The following FKRP variants were observed in gnomAD, a reference collection of about 807,000 sequenced individuals.
The protein encoded by FKRP is ribitol 5-phosphate transferase FKRP.
In FKRP, 25 loss-of-function variants were observed where a neutral mutation model predicts 30.6. The observed-to-expected ratio is 0.82, with a 90% confidence interval of 0.60 to 1.14. FKRP has a LOEUF of 1.14. Ranked by LOEUF, FKRP falls within the 50% of genes most tolerant of loss-of-function variation. The pLI is 0.00. For missense variants in FKRP, 771 were observed against 727.8 expected, an observed-to-expected ratio of 1.06 and a Z score of -0.68; for synonymous variants, 358 against 342.5, an observed-to-expected ratio of 1.05 and a Z score of -0.50.
Position 46,757,303 on chromosome 19 carries a change from C to T in FKRP, c.*365C>T. On this transcript the variant is annotated 3_prime_UTR_variant, in exon 4 of 4. Transcript: ENST00000318584. Reference sequence around the variant, plus strand: ...CCCAAGATTCCGAGAGCCCTGCGCTCTAGGGCAGGGGCAGAGTTTTGGAAA... The same window carrying T: ...CCCAAGATTCCGAGAGCCCTGCGCTTTAGGGCAGGGGCAGAGTTTTGGAAA... 2.8e-6 allele frequency: 1 copy of T among 357,212 alleles called. No homozygotes were observed. 22.1% of individuals were successfully genotyped at this position (357,212 alleles called of 1,614,324 possible). A position where few individuals can be genotyped will look rare whatever the true frequency, so the allele number is the denominator to read the frequency against.
chr19:46,747,731 A>T (rs886261534), intron 1 of FKRP: 3 of 151,992 alleles, frequency 2.0e-5, no homozygotes, highest in Non-Finnish European at 2.9e-5. Context: ...TGTCTCTCAG[A>T]GGTAGAGTGT....
chr19:46,757,027 G>A lies in FKRP; in HGVS notation c.*89G>A. The A allele has an allele frequency of 1.3e-6, 2 of 1,532,696 alleles. No individual in the cohort carries two copies. Among genetic ancestry groups the A allele is most frequent in the Non-Finnish European group, 8.9e-7 (1 of 1,119,098 alleles). The allele number at this position is 1,532,696 out of a possible 1,614,324, so 94.9% of individuals were successfully genotyped here. A position where few individuals can be genotyped will look rare whatever the true frequency, so the allele number is the denominator to read the frequency against. The stretch of plus-strand genomic sequence containing the variant: ...GCGGTGAGGGGTGGAGGGATGTCGC[G>A]GAGAGGGGAAGGGGGAAACTGACCA... On this transcript the variant is annotated 3_prime_UTR_variant, in exon 4 of 4. Transcript: ENST00000318584.
intron 1 of FKRP, chr19:46,747,794 C>T (rs1240407127): frequency 6.6e-6 from 1 of 152,138 alleles, no homozygotes; most frequent in Admixed American, 6.5e-5. Flanking sequence ...CTAGCCCTAC[C>T]TTTTCTGGAC....
chr19:46,754,375 T>TTATTTATC (rs1490466787), intron 3 of FKRP: 5 of 69,980 alleles, frequency 7.1e-5, no homozygotes, highest in African/African-American at 2.4e-4. Flanking sequence ...TTTTTAATTT[T>TTATTTATC]TATTTATTTA....
intron 3 of FKRP, among the ~76,000 whole-genome samples, chr19:46,751,845 G>T (rs1489982745): frequency 6.6e-6 from 1 of 152,160 alleles, no homozygotes; most frequent in African/African-American, 2.4e-5. Context: ...GGGATTACAG[G>T]CATGAGCCAC....
At chr19:46,751,470 C>G (rs2054790105) in intron 3 of FKRP, among the ~76,000 whole-genome samples, 1 of 152,092 alleles carries the variant, frequency 6.6e-6, no homozygotes, top group Non-Finnish European at 1.5e-5. Context: ...CCTCTGCCTC[C>G]TGGGTTCAAG....
Position 46,755,434 on chromosome 19 carries a change from C to T in FKRP, c.-17C>T. 2 of 1,598,950 alleles carry T rather than the reference C, an allele frequency of 1.3e-6. No individual in the cohort carries two copies. The highest frequency in any genetic ancestry group is 1.7e-6 in the Non-Finnish European group (2 of 1,177,488). ...CAGGATGCCCCGGAGGCCCAGCTAG[C>T]CCCAGACTTCGGCCCCATGCGGCTC... On this transcript the variant is annotated 5_prime_UTR_variant, in exon 4 of 4. Transcript: ENST00000318584.
chr19:46,746,333 G>T (rs2054613854), intron 1 of FKRP: 1 of 1,295,680 alleles, frequency 7.7e-7, no homozygotes, highest in Non-Finnish European at 9.7e-7. Flanking sequence ...GGCGGAGACC[G>T]GGGCCGCCCC....
chr19:46,749,455 G>A (rs1429346962), intron 3 of FKRP, among the ~76,000 whole-genome samples: 1 of 145,132 alleles, frequency 6.9e-6, no homozygotes, highest in East Asian at 2.0e-4. Context: ...GGCCAGGCGC[G>A]GTGGCTCACG....
rs2054954431 is a variant in FKRP, at chr19:46,757,565, ACT to A, written c.*632_*633del. The A allele has an allele frequency of 5.8e-6, 1 of 173,186 alleles. No homozygotes were observed. The highest frequency in any genetic ancestry group is 1.7e-4 in the South Asian group (1 of 5,788). 10.7% of individuals were successfully genotyped at this position (173,186 alleles called of 1,614,324 possible). Reference sequence around the variant, plus strand: ...CAGGGCCTGTGTTCCATAGCCATCTACTCTCTTGAGCCTTTGGACTTCTCTCC... The same window carrying A: ...CAGGGCCTGTGTTCCATAGCCATCTACTCTTGAGCCTTTGGACTTCTCTCC... On this transcript the variant is annotated 3_prime_UTR_variant, in exon 4 of 4. Coordinates refer to ENST00000318584, the MANE Select transcript of FKRP (RefSeq NM_024301.5).
Position 46,758,391 on chromosome 19 carries a change from G to A in FKRP, c.*1453G>A, listed in dbSNP as rs2054967880. ...CTAAGAATAAATGGTATTTGGGCAT[G>A]TATTCCCAATATGTGTATATTTATT... On this transcript the variant is annotated 3_prime_UTR_variant, in exon 4 of 4. Coordinates refer to ENST00000318584, the MANE Select transcript of FKRP (RefSeq NM_024301.5). The A allele has an allele frequency of 1.8e-5, 3 of 166,902 alleles. No homozygotes were observed. Among genetic ancestry groups the A allele is most frequent in the South Asian group, 2.1e-4 (1 of 4,830 alleles). The allele number at this position is 166,902 out of a possible 1,614,324, so 10.3% of individuals were successfully genotyped here.
rs754347622 is a variant in FKRP, at chr19:46,756,156, C to G, written c.706C>G (p.Leu236Val). Residue 236 changes from leucine to valine, a missense_variant, in exon 4 of 4, where the codon CTG (leucine) becomes GTG (valine). By Grantham distance (32) the Leu-to-Val change is conservative. Coordinates refer to ENST00000318584, the MANE Select transcript of FKRP (RefSeq NM_024301.5). This position sits in a 1 kb window ranked among gnomAD's most constrained non-coding sequence, Gnocchi z 6.6. ...TALRGWAVQL[L>V]DLTFAAARQP... is the part of the protein sequence containing the mutation. ...CCTTCGCGGCTGGGCGGTGCAGCTGCTGGACTTGACCTTCGCCGCGGCGCG... is the reference window on the plus strand; with the variant it reads ...CCTTCGCGGCTGGGCGGTGCAGCTGGTGGACTTGACCTTCGCCGCGGCGCG... The G allele has an allele frequency of 1.0e-5, 15 of 1,465,828 alleles. No individual in the cohort carries two copies. Among genetic ancestry groups the G allele is most frequent in the Non-Finnish European group, 1.2e-5 (13 of 1,116,616 alleles). 90.8% of individuals were successfully genotyped at this position (1,465,828 alleles called of 1,614,324 possible).
rs1474726988 is a variant in FKRP, at chr19:46,756,215, G to T, written c.765G>T (p.Trp255Cys). The T allele has an allele frequency of 1.4e-6, 2 of 1,447,350 alleles. No individual in the cohort carries two copies. The highest frequency in any genetic ancestry group is 2.8e-5 in the Admixed American group (1 of 36,148). The allele number at this position is 1,447,350 out of a possible 1,614,324, so 89.7% of individuals were successfully genotyped here. Residue 255 changes from tryptophan (W) to cysteine (C), a missense_variant, in exon 4 of 4, where the codon TGG becomes TGT. Physicochemically the swap from Trp to Cys is radical, Grantham distance 215. Transcript: ENST00000318584. The surrounding 1 kb of genome is among the most constrained non-coding windows in gnomAD (Gnocchi z 6.6). ...QPPLATAHAR[W>C]KAEREGRARR... ...CGCTGGCCACGGCCCACGCGCGCTGGAAGGCTGAGCGCGAGGGACGCGCTC... is the reference window on the plus strand; with the variant it reads ...CGCTGGCCACGGCCCACGCGCGCTGTAAGGCTGAGCGCGAGGGACGCGCTC...
chr19:46,758,245 G>A lies in FKRP; in HGVS notation c.*1307G>A, dbSNP rs993756101. On this transcript the variant is annotated 3_prime_UTR_variant, in exon 4 of 4. Coordinates refer to ENST00000318584, the MANE Select transcript of FKRP (RefSeq NM_024301.5). ...CGGGGGCTTGAACCCAGGTGGTCAG[G>A]CTCTGGAGCCCACAATTGTCTTACC... 2 of 167,054 alleles carry A rather than the reference G, an allele frequency of 1.2e-5. No homozygotes were observed. The highest frequency in any genetic ancestry group is 2.4e-5 in the African/African-American group (1 of 41,432). The allele number at this position is 167,054 out of a possible 1,614,324, so 10.3% of individuals were successfully genotyped here. A position where few individuals can be genotyped will look rare whatever the true frequency, so the allele number is the denominator to read the frequency against.
chr19:46,752,333 A>G (rs555548947), intron 3 of FKRP, among the ~76,000 whole-genome samples: 13 of 152,248 alleles, frequency 8.5e-5, no homozygotes, highest in African/African-American at 2.4e-4. Context: ...CGGAGCTCCT[A>G]TGTACCTAAA....
At chr19:46,754,537 G>A (rs1017613252) in intron 3 of FKRP, among the ~76,000 whole-genome samples, 15 of 150,506 alleles carry the variant, frequency 1.0e-4, no homozygotes, top group Admixed American at 6.6e-5. Flanking sequence ...GATCACAGGC[G>A]TGAGTCACCA....
chr19:46,758,530 T>A lies in FKRP; in HGVS notation c.*1592T>A, dbSNP rs2054969589. On this transcript the variant is annotated 3_prime_UTR_variant, in exon 4 of 4. Coordinates refer to ENST00000318584, the MANE Select transcript of FKRP (RefSeq NM_024301.5). The stretch of plus-strand genomic sequence containing the variant: ...TTTTATGTTTCTTGCCTCATCCCAA[T>A]GACTTTTGCACACCCAGGTGTGAGC... 1 of 164,750 alleles carries A rather than the reference T, an allele frequency of 6.1e-6. No homozygotes were observed. The highest frequency in any genetic ancestry group is 2.5e-5 in the African/African-American group (1 of 40,600). The allele number at this position is 164,750 out of a possible 1,614,324, so 10.2% of individuals were successfully genotyped here. A position where few individuals can be genotyped will look rare whatever the true frequency, so the allele number is the denominator to read the frequency against.
chr19:46,756,003 G>A lies in FKRP; in HGVS notation c.553G>A (p.Ala185Thr). ...LREWTARYGA[A>T]PAAPRCDALD... Reference sequence around the variant, plus strand: ...AGAGTGGACCGCCCGCTATGGCGCAGCCCCCGCCGCGCCCCGCTGCGACGC... The same window carrying A: ...AGAGTGGACCGCCCGCTATGGCGCAACCCCCGCCGCGCCCCGCTGCGACGC... Residue 185 changes from alanine to threonine, a missense_variant, in exon 4 of 4, where the codon GCC becomes ACC. Transcript: ENST00000318584. The surrounding 1 kb of genome is among the most constrained non-coding windows in gnomAD (Gnocchi z 6.6). 6.5e-7 allele frequency: 1 copy of A among 1,548,692 alleles called. No homozygotes were observed.
Position 46,756,849 on chromosome 19 carries a change from C to A in FKRP, c.1399C>A (p.Arg467Ser). The change falls in exon 4 of 4, where the codon CGC becomes AGC. Residue 467 changes from arginine to serine, a missense_variant. By Grantham distance (110) the Arg-to-Ser change is moderately radical. Transcript: ENST00000318584. This position sits in a 1 kb window ranked among gnomAD's most constrained non-coding sequence, Gnocchi z 6.6. ...FVAQAPNNYR[R>S]FLELKFGPGV... ...GGCGCAGGCGCCTAACAACTACCGC[C>A]GCTTCCTGGAGCTCAAGTTCGGGCC... 3.1e-6 allele frequency: 5 copies of A among 1,605,270 alleles called. No homozygotes were observed. Among genetic ancestry groups the A allele is most frequent in the Non-Finnish European group, 3.4e-6 (4 of 1,176,400 alleles).
Sources: allele counts gnomAD v4.1 joint callset (sites outside exome capture counted in the v4.1 genomes callset), GRCh38; gene constraint gnomAD v4.1.1; non-coding constraint Gnocchi (gnomAD v3.1); transcripts MANE v1.5; gene names NCBI Gene and HGNC (gene_info 2026-07-23, HGNC 2026-07-21).